Variants in ADPRHL1 observed in about 807,000 individuals in gnomAD.
The protein encoded by ADPRHL1 is inactive ADP-ribosyltransferase ARH2.
In ADPRHL1, 43 loss-of-function variants were observed where a neutral mutation model predicts 44.1. The ratio of observed to expected loss-of-function variants is 0.98; its 90% CI spans 0.76 to 1.26. The LOEUF is 1.26. Ranked by LOEUF, ADPRHL1 falls within the 50% of genes most tolerant of loss-of-function variation. ADPRHL1 has a pLI of 0.00. For synonymous variants in ADPRHL1, 878 were observed against 1,017.4 expected (o/e 0.86, Z 2.61); for missense variants, 2,022 against 2,496.9 (o/e 0.81, Z 4.05).
At position 113,400,200 on chromosome 13, in the gene ADPRHL1, CA is replaced by C. The variant is rs1479597044; in HGVS notation, c.*3177del. On this transcript the variant is annotated 3_prime_UTR_variant, in exon 8 of 8. Transcript: ENST00000612156. ...TCGCTCTGTCACCCAGGCTGGAGTGCAGTGGCGCAATCTCGGCTCACTGCAA... is the reference window on the plus strand; with the variant it reads ...TCGCTCTGTCACCCAGGCTGGAGTGCGTGGCGCAATCTCGGCTCACTGCAA... 1.4e-5 allele frequency: 2 copies of C among 143,046 alleles called. No homozygotes were observed. Among genetic ancestry groups the C allele is most frequent in the African/African-American group, 5.2e-5 (2 of 38,244 alleles). 8.9% of individuals were successfully genotyped at this position (143,046 alleles called of 1,614,324 possible).
intron 3 of ADPRHL1, among the ~76,000 whole-genome samples, chr13:113,430,873 A>G (rs918560622): frequency 6.6e-6 from 1 of 152,170 alleles, no homozygotes. Context: ...GTGGCCATGC[A>G]GGGGAGCAGT....
At chr13:113,424,603 C>T (rs147239320) in intron 5 of ADPRHL1, among the ~76,000 whole-genome samples, 2,804 of 150,688 alleles carry the variant, frequency 0.019, 42 homozygotes, top group South Asian at 0.067. Context: ...TACAGGCGTA[C>T]ACCAGCACAC....
rs2044025206 is a variant in ADPRHL1, at chr13:113,433,806, C to T, written c.441G>A (p.Glu147=). The T allele has an allele frequency of 1.3e-6, 2 of 1,586,406 alleles. No individual in the cohort carries two copies. Among genetic ancestry groups the T allele is most frequent in the South Asian group, 1.1e-5 (1 of 86,992 alleles). ...TGACCTCGATGAGGGTCTCCAGCCG[C>T]TCAGGCTTCCAGTACCGCAGGCCGA... ...MCIGLRYWKP[E]RLETLIEVSV... Residue 147 remains glutamate, a synonymous_variant, in exon 3 of 8, where the codon GAG becomes GAA. Transcript: ENST00000612156.
chr13:113,420,491 C>T (rs1251807619), intron 7 of ADPRHL1, among the ~76,000 whole-genome samples: 2 of 152,088 alleles, frequency 1.3e-5, no homozygotes, highest in Non-Finnish European at 2.9e-5. Flanking sequence ...AAAACAGGTA[C>T]TACGACCGTG....
At chr13:113,417,765 A>AACTTCT in intron 7 of ADPRHL1, among the ~76,000 whole-genome samples, 1 of 152,244 alleles carries the variant, frequency 6.6e-6, no homozygotes, top group Non-Finnish European at 1.5e-5. Context: ...TAACCAGGGA[A>AACTTCT]GCTTCTGTGT....
chr13:113,413,681 T>G (rs1436341504), intron 7 of ADPRHL1, among the ~76,000 whole-genome samples: 1 of 152,184 alleles, frequency 6.6e-6, no homozygotes, highest in Non-Finnish European at 1.5e-5. Flanking sequence ...CAAAGCCTCC[T>G]GAAAAGGCCC....
Position 113,406,296 on chromosome 13 carries a change from A to G in ADPRHL1, c.2986T>C (p.Ser996Pro). Residue 996 changes from serine (S) to proline (P), a missense_variant, in exon 8 of 8, where the codon TCA (serine) becomes CCA (proline). Transcript: ENST00000612156. ...KHPLPESNEI[S>P]MQKKGSATND... The stretch of plus-strand genomic sequence containing the variant: ...GTTGCGGAGCCCTTCTTCTGCATTG[A>G]TATTTCATTAGATTCCGGCAACGGA... The G allele has an allele frequency of 1.6e-6, 2 of 1,232,122 alleles. No homozygotes were observed. The highest frequency in any genetic ancestry group is 2.0e-6 in the Non-Finnish European group (2 of 987,980). 76.3% of individuals were successfully genotyped at this position (1,232,122 alleles called of 1,614,324 possible).
chr13:113,451,889 C>T (rs1387184921), intron 1 of ADPRHL1, among the ~76,000 whole-genome samples: 8 of 152,200 alleles, frequency 5.3e-5, no homozygotes, highest in East Asian at 3.9e-4. Flanking sequence ...GGCCGATCTC[C>T]GTCGGTGCAC....
Position 113,444,362 on chromosome 13 carries a change from T to C in ADPRHL1, c.379+63A>G, listed in dbSNP as rs569395167. The stretch of plus-strand genomic sequence containing the variant: ...ATGCTGGGGGTTAGTGGAAGGCAGA[T>C]GGTTAGGACCGCAGGGTCCCCAGCA... On this transcript the variant is annotated intron_variant, in intron 2 of 7. Coordinates refer to ENST00000612156, the MANE Select transcript of ADPRHL1 (RefSeq NM_001394807.1). The C allele has an allele frequency of 7.7e-6, 12 of 1,565,458 alleles. No homozygotes were observed. The East Asian group carries it at 2.3e-4, about 29-fold the overall frequency.
rs757348634 is a variant in ADPRHL1 at position 113,407,238 on chromosome 13, G to A, written c.2044C>T (p.Gln682Ter). Residue 682 changes from glutamine to a stop codon, truncating the protein, a stop_gained, in exon 8 of 8, where the codon CAG (glutamine) becomes TAG (stop). Coordinates refer to ENST00000612156, the MANE Select transcript of ADPRHL1 (RefSeq NM_001394807.1). LOFTEE classifies it low-confidence loss of function (END_TRUNC). ...KGPLEEEPQR[Q>*]PRPSKPVTPQ... ...GTCACGGGCTTCGAGGGCCTTGGCT[G>A]TCTTTGGGGCTCCTCCTCCAGGGGC... 89 of 1,232,254 alleles carry A rather than the reference G, an allele frequency of 7.2e-5. No individual in the cohort carries two copies. Among genetic ancestry groups the A allele is most frequent in the Non-Finnish European group, 8.8e-5 (87 of 988,140 alleles). 76.3% of individuals were successfully genotyped at this position (1,232,254 alleles called of 1,614,324 possible).
chr13:113,405,321 C>T lies in ADPRHL1; in HGVS notation c.3961G>A (p.Glu1321Lys). The T allele has an allele frequency of 1.6e-6, 2 of 1,231,886 alleles. No homozygotes were observed. The highest frequency in any genetic ancestry group is 2.0e-6 in the Non-Finnish European group (2 of 988,078). 76.3% of individuals were successfully genotyped at this position (1,231,886 alleles called of 1,614,324 possible). A position where few individuals can be genotyped will look rare whatever the true frequency, so the allele number is the denominator to read the frequency against. The change falls in exon 8 of 8, where the codon GAG becomes AAG. Residue 1321 changes from glutamate to lysine, a missense_variant. Physicochemically the swap from Glu to Lys is moderately conservative, Grantham distance 56. Around this residue, in one of 8 missense-constraint regions of ADPRHL1, gnomAD observed 1,221 missense variants for 1,517.8 expected, o/e 0.80. Transcript: ENST00000612156. ...DHLLPAVPPA[E>K]VDMGWVGGTH... The stretch of plus-strand genomic sequence containing the variant: ...CCACCTACCCACCCCATGTCCACCT[C>T]CGCGGGAGGCACTGCGGGAAGCAGA...
chr13:113,426,414 T>C (rs1362073933), intron 4 of ADPRHL1, among the ~76,000 whole-genome samples: 2 of 152,180 alleles, frequency 1.3e-5, no homozygotes, highest in Non-Finnish European at 2.9e-5. Context: ...GCCGATCACA[T>C]GAGGTGACAG....
intron 1 of ADPRHL1, among the ~76,000 whole-genome samples, chr13:113,446,261 A>T (rs929802057): frequency 6.7e-6 from 1 of 150,282 alleles, no homozygotes; most frequent in East Asian, 2.0e-4. Context: ...CCCCAGAGAG[A>T]GTGCACAGGG....
At chr13:113,428,235 T>C in intron 4 of ADPRHL1, among the ~76,000 whole-genome samples, 2 of 88,330 alleles carry the variant, frequency 2.3e-5, no homozygotes, top group Admixed American at 1.6e-4. Context: ...CGAGCCAGAT[T>C]CCATCTCAAA....
intron 2 of ADPRHL1, among the ~76,000 whole-genome samples, chr13:113,434,974 G>C (rs2044039197): frequency 7.8e-6 from 1 of 127,572 alleles, no homozygotes; most frequent in African/African-American, 3.0e-5. Flanking sequence ...CCGGGACCCG[G>C]CACCCAGGTG....
chr13:113,404,294 T>C lies in ADPRHL1; in HGVS notation c.4988A>G (p.Glu1663Gly). 7.7e-7 allele frequency: 1 copy of C among 1,304,538 alleles called. No individual in the cohort carries two copies. The highest frequency in any genetic ancestry group is 9.7e-7 in the Non-Finnish European group (1 of 1,036,126). The allele number at this position is 1,304,538 out of a possible 1,614,324, so 80.8% of individuals were successfully genotyped here. ...CCCCTTCTGGGCCTGACCCTGAGCC[T>C]CTATCTGGGTCTGCTCCTGAGCCTG... is the stretch of plus-strand genomic sequence containing the variant. ...QEQAQEQTQIEAQGQAQKGAQ... is the reference protein window; with the variant it reads ...QEQAQEQTQIGAQGQAQKGAQ... The change falls in exon 8 of 8, where the codon GAG becomes GGG. Residue 1663 changes from glutamate to glycine, a missense_variant. Glu to Gly is a moderately conservative substitution (Grantham distance 98). Around this residue, in one of 8 missense-constraint regions of ADPRHL1, gnomAD observed 25 missense variants for 50.2 expected, o/e 0.50. Coordinates refer to ENST00000612156, the MANE Select transcript of ADPRHL1 (RefSeq NM_001394807.1).
At position 113,407,247 on chromosome 13, in the gene ADPRHL1, G is replaced by A. The variant is rs781303905; in HGVS notation, c.2035C>T (p.Pro679Ser). 17 of 1,232,014 alleles carry A rather than the reference G, an allele frequency of 1.4e-5. No homozygotes were observed. The highest frequency in any genetic ancestry group is 1.7e-5 in the Non-Finnish European group (17 of 988,114). The allele number at this position is 1,232,014 out of a possible 1,614,324, so 76.3% of individuals were successfully genotyped here. ...TTCGAGGGCCTTGGCTGTCTTTGGG[G>A]CTCCTCCTCCAGGGGCCCCTTTCCC... ...AVGKGPLEEE[P>S]QRQPRPSKPV... Residue 679 changes from proline (P) to serine (S), a missense_variant, in exon 8 of 8, where the codon CCC becomes TCC. By Grantham distance (74) the Pro-to-Ser change is moderately conservative (BLOSUM62 -1). Coordinates refer to ENST00000612156, the MANE Select transcript of ADPRHL1 (RefSeq NM_001394807.1).
intron 1 of ADPRHL1, among the ~76,000 whole-genome samples, chr13:113,446,703 TATG>T (rs1016330987): frequency 1.4e-4 from 22 of 152,052 alleles, no homozygotes; most frequent in Admixed American, 6.5e-5. Flanking sequence ...GTCCTGCATG[TATG>T]ATATTGTCAT....
At chr13:113,438,732 C>T (rs959033730) in intron 2 of ADPRHL1, among the ~76,000 whole-genome samples, 8 of 152,142 alleles carry the variant, frequency 5.3e-5, no homozygotes, top group Non-Finnish European at 8.8e-5. Context: ...GTATGTTGCT[C>T]AGGCTGGGCT....
Sources: gnomAD v4.1 joint callset for allele counts (sites outside exome capture counted in the v4.1 genomes callset) on GRCh38, gnomAD v4.1.1 for gene constraint, gnomAD v4.1.1 regional missense constraint, MANE v1.5 for transcripts, NCBI Gene and HGNC (gene_info 2026-07-23, HGNC 2026-07-21) for gene names.